Variants in TPO observed in about 807,000 individuals in gnomAD.
TPO encodes the protein thyroid peroxidase, also known as thyroid microsomal antigen.
Under a neutral mutation model 96.9 loss-of-function variants are expected in TPO, and 78 were observed. The ratio of observed to expected loss-of-function variants is 0.81; its 90% CI spans 0.67 to 0.97. The LOEUF is 0.97. Ranked by LOEUF, TPO falls within the 50% of genes least tolerant of loss-of-function variation. TPO has a pLI of 0.00. For missense variants in TPO, 1,252 were observed against 1,274.8 expected (o/e 0.98, Z 0.27); for synonymous variants, 547 against 538.0 (o/e 1.02, Z -0.23).
chr2:1,415,372 C>A (rs559341880), intron 2 of TPO, among the ~76,000 whole-genome samples: 18 of 143,572 alleles, frequency 1.3e-4, no homozygotes, highest in African/African-American at 3.7e-4. Context: ...CGGGCAGGTC[C>A]CTGGGCCTCT....
chr2:1,493,747 G>A (rs1672039911), intron 10 of TPO, 55 bp from the exon 11 acceptor site: 2 of 1,598,768 alleles, frequency 1.3e-6, no homozygotes, highest in Admixed American at 3.3e-5. Context: ...AGTGAGATGG[G>A]CTGAACAAAA....
At chr2:1,427,624 G>A (rs1300815605) in intron 3 of TPO, among the ~76,000 whole-genome samples, 2 of 152,178 alleles carry the variant, frequency 1.3e-5, no homozygotes, top group Admixed American at 6.5e-5. Context: ...CCCTTTCTCC[G>A]CTTCATAATT....
chr2:1,383,552 T>C (rs1451216656), intron 1 of TPO, among the ~76,000 whole-genome samples: 1 of 152,230 alleles, frequency 6.6e-6, no homozygotes, highest in Admixed American at 6.5e-5. Context: ...TCATATGCTT[T>C]GCCCACTTGT....
rs1672077733 is a variant in TPO at position 1,494,030 on chromosome 2, A to C, written c.1997A>C (p.Asp666Ala). The C allele has an allele frequency of 6.2e-7, 1 of 1,613,990 alleles. No homozygotes were observed. Among genetic ancestry groups the C allele is most frequent in the Middle Eastern group, 1.7e-4 (1 of 6,060 alleles). ...LIGKQMKALR[D>A]GDWFWWENSH... ...GGGAAGCAGATGAAGGCTCTGCGGG[A>C]CGGTGACTGGTACGTTCCTATCCAG... Residue 666 changes from aspartate to alanine, a missense_variant, in exon 11 of 17, where the codon GAC becomes GCC. Transcript: ENST00000329066.
intron 4 of TPO, 22 bp from the exon 5 acceptor site, chr2:1,436,230 C>G (rs1665554551): frequency 6.2e-7 from 1 of 1,614,114 alleles, no homozygotes; most frequent in African/African-American, 1.3e-5. Context: ...GCACAGAATT[C>G]ATGGTTTCCT....
intron 13 of TPO, among the ~76,000 whole-genome samples, chr2:1,499,983 C>A (rs1312057436): frequency 6.6e-6 from 1 of 152,214 alleles, no homozygotes; most frequent in African/African-American, 2.4e-5. Context: ...TGCTCAGGAG[C>A]CGTGTTCTGA....
intron 15 of TPO, among the ~76,000 whole-genome samples, chr2:1,527,853 C>A (rs1676968233): frequency 2.8e-5 from 1 of 36,130 alleles, no homozygotes; most frequent in Non-Finnish European, 6.3e-5. Context: ...TCCTCAAATC[C>A]CCCCCACTGT....
intron 7 of TPO, among the ~76,000 whole-genome samples, chr2:1,465,216 T>C (rs1462177180): frequency 2.0e-5 from 3 of 152,220 alleles, no homozygotes; most frequent in African/African-American, 7.2e-5. Flanking sequence ...TGTAAGTATT[T>C]GGGTTTATTT....
intron 5 of TPO, among the ~76,000 whole-genome samples, chr2:1,452,535 T>A (rs1459297334): frequency 1.3e-5 from 2 of 152,192 alleles, no homozygotes; most frequent in African/African-American, 4.8e-5. Flanking sequence ...TATTTTTACC[T>A]TTGCAGATGG....
intron 5 of TPO, among the ~76,000 whole-genome samples, chr2:1,451,655 A>G (rs899050494): frequency 2.6e-5 from 4 of 152,182 alleles, no homozygotes; most frequent in Non-Finnish European, 5.9e-5. Context: ...TGCAGCTGCC[A>G]CACACAGAAC....
chr2:1,479,026 A>C (rs1036485579), intron 8 of TPO, among the ~76,000 whole-genome samples: 3 of 152,230 alleles, frequency 2.0e-5, no homozygotes, highest in Non-Finnish European at 4.4e-5. Context: ...TGAAAACAGG[A>C]ACCTTGTCAC....
upstream of TPO, among the ~76,000 whole-genome samples, chr2:1,409,333 T>C (rs1662292843): frequency 6.6e-6 from 1 of 152,242 alleles, no homozygotes; most frequent in South Asian, 2.1e-4. Flanking sequence ...TATTTGTCTT[T>C]AGTTTTATCT....
chr2:1,535,656 T>C (rs1200388561), intron 15 of TPO, among the ~76,000 whole-genome samples: 33 of 48,818 alleles, frequency 6.8e-4, no homozygotes, highest in Admixed American at 1.2e-3. Context: ...TGCAACCTCC[T>C]CAAATCCCCC....
chr2:1,535,154 C>CTAATCTCTGCAAACTCCCCCAAAT (rs1328801606), intron 15 of TPO, among the ~76,000 whole-genome samples: 1 of 15,234 alleles, frequency 6.6e-5, no homozygotes, highest in African/African-American at 2.5e-4. Flanking sequence ...CAAATCCCCC[C>CTAATCTCTGCAAACTCCCCCAAAT]CCCCCCCATT....
rs1302825468 is a variant in TPO, at chr2:1,542,775, C to G, written c.*301C>G. 5.3e-5 allele frequency: 36 copies of G among 674,040 alleles called. No homozygotes were observed. Among genetic ancestry groups the G allele is most frequent in the Non-Finnish European group, 7.5e-5 (32 of 425,916 alleles). The allele number at this position is 674,040 out of a possible 1,614,324, so 41.8% of individuals were successfully genotyped here. A position where few individuals can be genotyped will look rare whatever the true frequency, so the allele number is the denominator to read the frequency against. ...TGGAAACACCACTCTTGCAATCCTC[C>G]TGTCTCCACCTTCTGGCATCTCTGA... On this transcript the variant is annotated 3_prime_UTR_variant, in exon 17 of 17. Transcript: ENST00000329066.
intron 1 of TPO, among the ~76,000 whole-genome samples, chr2:1,392,372 T>C (rs1451037496): frequency 6.6e-6 from 1 of 152,218 alleles, no homozygotes; most frequent in Non-Finnish European, 1.5e-5. Context: ...TCATGGTGGA[T>C]AAGCTTTTTA....
intron 8 of TPO, chr2:1,478,310 G>A (rs1028642280): frequency 2.0e-6 from 2 of 985,408 alleles, no homozygotes; most frequent in Non-Finnish European, 2.4e-6. Flanking sequence ...AGAAGGATGG[G>A]CTGTTTGATA....
intron 7 of TPO, among the ~76,000 whole-genome samples, chr2:1,458,580 CAT>C (rs1413667364): frequency 6.6e-6 from 1 of 151,850 alleles, no homozygotes; most frequent in Admixed American, 6.6e-5. Context: ...AGTGTGTGGA[CAT>C]GTGTGTATAT....
At chr2:1,531,210 C>CCGCCT (rs1678124513) in intron 15 of TPO, among the ~76,000 whole-genome samples, 1 of 114,156 alleles carries the variant, frequency 8.8e-6, no homozygotes, top group African/African-American at 3.7e-5. Context: ...CTGTCTGCAA[C>CCGCCT]CACCCCAAAT....
Sources: allele counts gnomAD v4.1 joint callset (sites outside exome capture counted in the v4.1 genomes callset), GRCh38; gene constraint gnomAD v4.1.1; transcripts MANE v1.5; gene names NCBI Gene and HGNC (gene_info 2026-07-23, HGNC 2026-07-21).